ST8SIA2: variants seen among roughly 807,000 people sequenced by gnomAD.
The protein encoded by ST8SIA2 is alpha-2,8-sialyltransferase 8B.
In ST8SIA2, 22 loss-of-function variants were observed where a neutral mutation model predicts 37.6. The observed-to-expected ratio is 0.58, with a 90% CI of 0.42 to 0.83. The LOEUF (loss-of-function observed/expected upper bound fraction) is 0.83. Ranked by LOEUF, ST8SIA2 falls within the 40% of genes least tolerant of loss-of-function variation. The pLI, the probability that ST8SIA2 is intolerant of heterozygous loss-of-function variation, is 0.00. For synonymous variants in ST8SIA2, 205 were observed against 201.2 expected (o/e 1.02, Z -0.16); for missense variants, 382 against 484.7 (o/e 0.79, Z 1.99).
rs2050002394 is a variant in ST8SIA2 at position 92,467,693 on chromosome 15, A to G, written c.*3308A>G. The G allele has an allele frequency of 6.6e-6, 1 of 151,980 alleles. No individual in the cohort carries two copies. The highest frequency in any genetic ancestry group is 2.1e-4 in the South Asian group (1 of 4,800). The allele number at this position is 151,980 out of a possible 1,614,324, so 9.4% of individuals were successfully genotyped here. ...AGGAATCAAGGTAGATCTGACCAGTATTCCCCTCTCTTCTCCTTGTCCCAC... is the reference window on the plus strand; with the variant it reads ...AGGAATCAAGGTAGATCTGACCAGTGTTCCCCTCTCTTCTCCTTGTCCCAC... On this transcript the variant is annotated 3_prime_UTR_variant, in exon 6 of 6. Coordinates refer to ENST00000268164, the MANE Select transcript of ST8SIA2 (RefSeq NM_006011.4).
At chr15:92,416,628 A>G (rs80162509) in intron 1 of ST8SIA2, among the ~76,000 whole-genome samples, 4,032 of 152,242 alleles carry the variant, frequency 0.026, 179 homozygotes, top group African/African-American at 0.089. Flanking sequence ...GACAGAGCAG[A>G]GAGAACGTGC....
chr15:92,420,573 A>G (rs71412550), intron 1 of ST8SIA2, among the ~76,000 whole-genome samples: 1 of 152,238 alleles, frequency 6.6e-6, no homozygotes, highest in Admixed American at 6.5e-5. Flanking sequence ...AAGCTGATTA[A>G]CAAGCAAAAG....
In ST8SIA2 at chr15:92,434,237, T is replaced by C. The variant is rs777075312; in HGVS notation, c.162-10T>C. On this transcript the variant is annotated splice_polypyrimidine_tract_variant and intron_variant, in intron 2 of 5. Transcript: ENST00000268164. The stretch of plus-strand genomic sequence containing the variant: ...CATGTCTACCCTCTTTCTTTTTTTT[T>C]CCCTTCCAGAGCTGAAGTTGTAATA... The C allele has an allele frequency of 3.2e-5, 52 of 1,613,902 alleles. No homozygotes were observed. The highest frequency in any genetic ancestry group is 5.3e-5 in the African/African-American group (4 of 74,920).
intron 1 of ST8SIA2, among the ~76,000 whole-genome samples, chr15:92,413,688 G>T (rs962012694): frequency 6.6e-6 from 1 of 152,212 alleles, no homozygotes; most frequent in Non-Finnish European, 1.5e-5. Flanking sequence ...TAAATCTCCT[G>T]TCCACTTGTC....
At chr15:92,400,093 G>A (rs722645) in intron 1 of ST8SIA2, among the ~76,000 whole-genome samples, 91,507 of 151,922 alleles carry the variant, frequency 0.6, 27,889 homozygotes, top group East Asian at 0.83. Context: ...CCCTCCTTGC[G>A]CACACACCAT....
At chr15:92,443,380 C>G (rs59218124) in intron 4 of ST8SIA2, among the ~76,000 whole-genome samples, 3,982 of 152,244 alleles carry the variant, frequency 0.026, 154 homozygotes, top group African/African-American at 0.09. Flanking sequence ...GGGTCTCCCA[C>G]AAGGAAGTCA....
At chr15:92,419,376 G>A (rs1388061016) in intron 1 of ST8SIA2, among the ~76,000 whole-genome samples, 1 of 152,142 alleles carries the variant, frequency 6.6e-6, no homozygotes, top group African/African-American at 2.4e-5. Flanking sequence ...TCTGAATCCT[G>A]TTTTCTACAG....
chr15:92,463,300 AGAG>A (rs1283074325), intron 5 of ST8SIA2, among the ~76,000 whole-genome samples: 1 of 152,238 alleles, frequency 6.6e-6, no homozygotes, highest in Admixed American at 6.5e-5. Flanking sequence ...ACTCTGTTTC[AGAG>A]GTGGATACAC....
At chr15:92,426,990 A>T (rs978686349) in intron 1 of ST8SIA2, among the ~76,000 whole-genome samples, 14 of 152,202 alleles carry the variant, frequency 9.2e-5, no homozygotes, top group African/African-American at 3.4e-4. Context: ...ACTACTCGGG[A>T]TGCTGAAGCA....
chr15:92,419,879 T>C (rs555085652), intron 1 of ST8SIA2, among the ~76,000 whole-genome samples: 55 of 152,280 alleles, frequency 3.6e-4, no homozygotes, highest in African/African-American at 1.3e-3. Context: ...CTTTGTTTGT[T>C]TCTTTGAGAT....
chr15:92,439,894 G>A (rs1368544427), intron 4 of ST8SIA2, among the ~76,000 whole-genome samples: 3 of 151,790 alleles, frequency 2.0e-5, no homozygotes, highest in Non-Finnish European at 4.4e-5. Flanking sequence ...GGGGGCCAAG[G>A]CCTCCTCCCA....
rs1199870325 is a variant in ST8SIA2 at position 92,465,190 on chromosome 15, C to T, written c.*805C>T. On this transcript the variant is annotated 3_prime_UTR_variant, in exon 6 of 6. Transcript: ENST00000268164. ...GACCTCCTGTTAAGGGCCCACTTGACCCTAGAATAAGGCAGGAGAGTGTCT... is the reference window on the plus strand; with the variant it reads ...GACCTCCTGTTAAGGGCCCACTTGATCCTAGAATAAGGCAGGAGAGTGTCT... 6.6e-6 allele frequency: 1 copy of T among 152,390 alleles called. No homozygotes were observed. Among genetic ancestry groups the T allele is most frequent in the Non-Finnish European group, 1.5e-5 (1 of 68,052 alleles). 9.4% of individuals were successfully genotyped at this position (152,390 alleles called of 1,614,324 possible).
chr15:92,419,535 G>A (rs1427708671), intron 1 of ST8SIA2, among the ~76,000 whole-genome samples: 2 of 152,128 alleles, frequency 1.3e-5, no homozygotes, highest in Non-Finnish European at 2.9e-5. Context: ...CTGGGGAGGG[G>A]GTGCTGAAGC....
At chr15:92,444,524 CTT>C in intron 4 of ST8SIA2, 110 bp from the exon 5 acceptor site, 1 of 1,358,866 alleles carries the variant, frequency 7.4e-7, no homozygotes, top group Non-Finnish European at 1.0e-6. Flanking sequence ...TGCCCTGGGT[CTT>C]TGTTTGGGGA....
intron 2 of ST8SIA2, among the ~76,000 whole-genome samples, chr15:92,431,196 A>G (rs1474498858): frequency 2.0e-5 from 3 of 152,180 alleles, no homozygotes; most frequent in Non-Finnish European, 2.9e-5. Flanking sequence ...TTTCGGAGAA[A>G]GAAGATCCTG....
intron 4 of ST8SIA2, among the ~76,000 whole-genome samples, chr15:92,441,288 G>A (rs141599716): frequency 1.1e-4 from 16 of 152,302 alleles, no homozygotes; most frequent in East Asian, 1.9e-4. Context: ...GCAGGCTTCC[G>A]GCAGAAGCGG....
At chr15:92,452,990 G>A (rs1474938998) in intron 5 of ST8SIA2, among the ~76,000 whole-genome samples, 1 of 152,106 alleles carries the variant, frequency 6.6e-6, no homozygotes. Flanking sequence ...ACACATCTGA[G>A]TCTCTGCTCG....
intron 1 of ST8SIA2, 64 bp from the exon 2 acceptor site, chr15:92,429,985 A>G: frequency 6.4e-7 from 1 of 1,573,592 alleles, no homozygotes; most frequent in South Asian, 1.1e-5. Context: ...ATCTCCTGGC[A>G]ATTGAAGAGG....
intron 5 of ST8SIA2, among the ~76,000 whole-genome samples, chr15:92,446,717 T>C (rs1221241491): frequency 6.6e-6 from 1 of 152,100 alleles, no homozygotes; most frequent in African/African-American, 2.4e-5. Context: ...TAGAAAGAAG[T>C]TGGTTTGAGC....
Sources: allele counts gnomAD v4.1 joint callset (sites outside exome capture counted in the v4.1 genomes callset), GRCh38; gene constraint gnomAD v4.1.1; transcripts MANE v1.5; gene names NCBI Gene and HGNC (gene_info 2026-07-23, HGNC 2026-07-21).